The following DOCK4 variants were observed in gnomAD, a reference collection of about 807,000 sequenced individuals.
DOCK4 encodes the protein dedicator of cytokinesis protein 4.
DOCK4 carries 97 observed loss-of-function variants against 268.1 expected under a neutral mutation model. That is an observed-to-expected ratio of 0.36 (90% CI 0.31 to 0.43). The LOEUF (loss-of-function observed/expected upper bound fraction) is 0.43, where lower values mean the gene tolerates loss of function less well. DOCK4 is among the 20% of genes least tolerant of loss of function. The pLI, the probability that DOCK4 is intolerant of heterozygous loss-of-function variation, is 1.00. For missense variants in DOCK4, 2,145 were observed against 2,455.7 expected (o/e 0.87, Z 2.67); for synonymous variants, 954 against 887.2 (o/e 1.08, Z -1.34).
intron 8 of DOCK4, among the ~76,000 whole-genome samples, chr7:111,976,140 C>CAA (rs1166982968): frequency 1.0e-4 from 3 of 28,946 alleles, no homozygotes; most frequent in African/African-American, 3.1e-4. Context: ...GACTCCATCT[C>CAA]AAAAAAAAAA....
At chr7:112,058,849 A>C (rs2135585573) in intron 1 of DOCK4, among the ~76,000 whole-genome samples, 1 of 152,026 alleles carries the variant, frequency 6.6e-6, no homozygotes, top group East Asian at 1.9e-4. Context: ...CACTGTCCTG[A>C]AAACTGGTCT....
At chr7:111,765,060 C>T in intron 39 of DOCK4, 58 bp downstream of exon 39, 1 of 794,836 alleles carries the variant, frequency 1.3e-6, no homozygotes, top group South Asian at 2.6e-5. Flanking sequence ...TCTTAGTTTT[C>T]TTGATTGGGA....
intron 34 of DOCK4, 98 bp from the exon 35 acceptor site, chr7:111,783,022 A>C: frequency 7.0e-6 from 8 of 1,148,400 alleles, no homozygotes; most frequent in African/African-American, 6.5e-5. Context: ...AAGAAAGAAA[A>C]AAAAAAAAAA....
chr7:112,094,451 A>G (rs780192668), intron 1 of DOCK4, among the ~76,000 whole-genome samples: 3 of 152,256 alleles, frequency 2.0e-5, no homozygotes, highest in Non-Finnish European at 4.4e-5. Flanking sequence ...TCTAGTGGCT[A>G]TCAGTACTGC....
chr7:112,012,355 A>C (rs1360445284), intron 1 of DOCK4, among the ~76,000 whole-genome samples: 1 of 152,206 alleles, frequency 6.6e-6, no homozygotes, highest in Non-Finnish European at 1.5e-5. Flanking sequence ...AAAAAAAAAA[A>C]AAATCTTTGG....
At chr7:112,003,345 G>A (rs1800594583) in intron 2 of DOCK4, among the ~76,000 whole-genome samples, 1 of 152,122 alleles carries the variant, frequency 6.6e-6, no homozygotes, top group South Asian at 2.1e-4. Flanking sequence ...CCATGATCAT[G>A]CCACTGCACT....
chr7:112,041,196 G>T (rs778559186), intron 1 of DOCK4, among the ~76,000 whole-genome samples: 3 of 152,284 alleles, frequency 2.0e-5, no homozygotes, highest in Non-Finnish European at 2.9e-5. Flanking sequence ...GTCACAGAAT[G>T]CCCAATTATT....
intron 6 of DOCK4, among the ~76,000 whole-genome samples, chr7:111,987,779 A>G (rs1447288932): frequency 1.3e-5 from 2 of 152,214 alleles, no homozygotes; most frequent in Admixed American, 1.3e-4. Flanking sequence ...AAGAAAGCAG[A>G]GCTCCCAGTC....
chr7:112,008,298 A>G (rs959623771), intron 1 of DOCK4, among the ~76,000 whole-genome samples: 4 of 152,240 alleles, frequency 2.6e-5, no homozygotes, highest in Non-Finnish European at 5.9e-5. Context: ...CCCAGTTTAT[A>G]TGTATATAAA....
intron 1 of DOCK4, among the ~76,000 whole-genome samples, chr7:112,099,221 G>A (rs1810441303): frequency 6.6e-6 from 1 of 151,706 alleles, no homozygotes; most frequent in South Asian, 2.1e-4. Context: ...GAGCCCAGGA[G>A]GCAGAGGTGG....
chr7:111,883,708 G>A (rs552411811), intron 16 of DOCK4, among the ~76,000 whole-genome samples: 91 of 152,104 alleles, frequency 6.0e-4, no homozygotes, highest in African/African-American at 2.1e-3. Context: ...CTTTTCCATG[G>A]GCCAGGAAAA....
At chr7:111,962,218 T>A (rs1034369689) in intron 8 of DOCK4, among the ~76,000 whole-genome samples, 1 of 152,158 alleles carries the variant, frequency 6.6e-6, no homozygotes, top group African/African-American at 2.4e-5. Flanking sequence ...AAATAAACAG[T>A]TGCTTGGAAC....
rs535835765 is a variant in DOCK4, at chr7:111,904,523, C to T, written c.1193-2722G>A. Among the ~76,000 whole-genome samples, 68 of 152,082 alleles carry T rather than the reference C, an allele frequency of 4.5e-4. 1 individual carries two copies. In the Middle Eastern group the frequency reaches 0.014, roughly 30 times the overall value. The stretch of plus-strand genomic sequence containing the variant: ...AGCACCCTGAGTAGGCTACAGTGTT[C>T]GACAAAGGAGTAAGGTTCCAAAGGG... On this transcript the variant is annotated intron_variant, in intron 13 of 52. Coordinates refer to ENST00000428084, the MANE Select transcript of DOCK4 (RefSeq NM_001363540.2).
At chr7:112,066,681 A>ATGTG (rs1807033075) in intron 1 of DOCK4, among the ~76,000 whole-genome samples, 3 of 16,312 alleles carry the variant, frequency 1.8e-4, no homozygotes, top group South Asian at 1.8e-3. Context: ...ATATACATAT[A>ATGTG]TACATATACA....
At position 112,100,082 on chromosome 7, in the gene DOCK4, G is replaced by A. The variant is rs537660851; in HGVS notation, c.38-95951C>T. 2.6e-5 allele frequency among the ~76,000 whole-genome samples: 4 copies of A among 152,226 alleles called. No individual in the cohort carries two copies. In the South Asian group the frequency reaches 8.3e-4, roughly 32 times the overall value. The stretch of plus-strand genomic sequence containing the variant: ...AAAAATAAATTCTGACAATAAAAAT[G>A]AGCTGTGTTTCAAACCTACGTATGC... On this transcript the variant is annotated intron_variant, in intron 1 of 52. Transcript: ENST00000428084.
chr7:112,149,418 C>T (rs1272339990), intron 1 of DOCK4, among the ~76,000 whole-genome samples: 1 of 151,894 alleles, frequency 6.6e-6, no homozygotes, highest in Non-Finnish European at 1.5e-5. Context: ...TCTGTTACCA[C>T]GCCAACATGG....
intron 1 of DOCK4, among the ~76,000 whole-genome samples, chr7:112,158,971 T>C (rs1289418282): frequency 6.6e-6 from 1 of 152,130 alleles, no homozygotes; most frequent in Non-Finnish European, 1.5e-5. Context: ...ACTAAATGAA[T>C]CCCATTACTG....
At chr7:112,034,154 T>G (rs1053150290) in intron 1 of DOCK4, among the ~76,000 whole-genome samples, 1 of 152,208 alleles carries the variant, frequency 6.6e-6, no homozygotes, top group Non-Finnish European at 1.5e-5. Context: ...TCTGACTGAC[T>G]GAGATAACCA....
At chr7:111,994,506 G>A (rs763942421) in intron 4 of DOCK4, among the ~76,000 whole-genome samples, 15 of 152,158 alleles carry the variant, frequency 9.9e-5, no homozygotes, top group Non-Finnish European at 1.9e-4. Context: ...ACCAGTTCAC[G>A]ACTAGGCAGC....
Sources: gnomAD v4.1 joint callset for allele counts (sites outside exome capture counted in the v4.1 genomes callset) on GRCh38, gnomAD v4.1.1 for gene constraint, MANE v1.5 for transcripts, NCBI Gene and HGNC (gene_info 2026-07-23, HGNC 2026-07-21) for gene names.